The following DLG5 variants were observed in gnomAD, a reference collection of about 807,000 sequenced individuals.
DLG5 encodes the protein disks large homolog 5.
A neutral mutation model predicts 189.8 loss-of-function variants in DLG5; 48 were observed. The ratio of observed to expected loss-of-function variants is 0.25; its 90% CI spans 0.20 to 0.32. The LOEUF is 0.32. DLG5 is among the 10% of genes least tolerant of loss of function. The pLI, the probability that DLG5 is intolerant of heterozygous loss-of-function variation, is 1.00. For synonymous variants in DLG5, 1,016 were observed against 1,054.1 expected, an observed-to-expected ratio of 0.96 and a Z score of 0.70; for missense variants, 2,160 against 2,544.7, an observed-to-expected ratio of 0.85 and a Z score of 3.25.
At chr10:77,920,031 G>A (rs1846489929) in intron 1 of DLG5, among the ~76,000 whole-genome samples, 1 of 152,176 alleles carries the variant, frequency 6.6e-6, no homozygotes, top group African/African-American at 2.4e-5. Context: ...GCTCTATTCT[G>A]GGCATGAGGA....
At chr10:77,889,343 AAT>A (rs1193404068) in intron 1 of DLG5, 1 of 152,672 alleles carries the variant, frequency 6.5e-6, no homozygotes, top group Admixed American at 6.5e-5. Context: ...TATCAGAGAA[AAT>A]GAGGTCTGTT....
At chr10:77,889,491 T>TCCAGAACAGTGGCTGAA (rs1845545174) in intron 1 of DLG5, 1 of 152,206 alleles carries the variant, frequency 6.6e-6, no homozygotes, top group Non-Finnish European at 1.5e-5. Context: ...CCCATGAGTG[T>TCCAGAACAGTGGCTGAA]CCAGAACAGT....
chr10:77,854,637 C>T (rs924376107), intron 3 of DLG5, among the ~76,000 whole-genome samples: 13 of 152,192 alleles, frequency 8.5e-5, no homozygotes, highest in African/African-American at 2.4e-4. Context: ...TCTGCAGGAG[C>T]TTCCAGGAGT....
At chr10:77,932,314 C>A in the DLG5 span, among the ~76,000 whole-genome samples, 1 of 152,154 alleles carries the variant, frequency 6.6e-6, no homozygotes, top group Non-Finnish European at 1.5e-5. Flanking sequence ...GAGGCAGGGG[C>A]CCCCAGTACC....
rs755750059 is a variant in DLG5, at chr10:77,841,910, C to T, written c.1408G>A (p.Ala470Thr). The change falls in exon 7 of 32, where the codon GCC becomes ACC. Residue 470 changes from alanine to threonine, a missense_variant. Physicochemically the swap from Ala to Thr is moderately conservative, Grantham distance 58 (BLOSUM62 0). Coordinates refer to ENST00000372391, the MANE Select transcript of DLG5 (RefSeq NM_004747.4). ...CGCAGCGCCTCCATCTCCTCATTGG[C>T]CGCCTTCTTCTCAGATGTGCTGCTC... ...LKSSTSEKKAANEEMEALRQI... is the reference protein window; with the variant it reads ...LKSSTSEKKATNEEMEALRQI... 17 of 1,610,630 alleles carry T rather than the reference C, an allele frequency of 1.1e-5. No homozygotes were observed. The highest frequency in any genetic ancestry group is 1.2e-5 in the Non-Finnish European group (14 of 1,177,386).
upstream of DLG5, among the ~76,000 whole-genome samples, chr10:77,931,342 C>G (rs1175608750): frequency 1.3e-5 from 2 of 152,002 alleles, no homozygotes; most frequent in Admixed American, 1.3e-4. Flanking sequence ...CAGCCTCTAA[C>G]TCCTCAAGTG....
chr10:77,918,377 A>T (rs979711746), intron 1 of DLG5, among the ~76,000 whole-genome samples: 1 of 151,922 alleles, frequency 6.6e-6, no homozygotes, highest in Non-Finnish European at 1.5e-5. Context: ...GCACCATTGC[A>T]CTCCAGCCTA....
At position 77,796,221 on chromosome 10, in the gene DLG5, C is replaced by T. The variant is rs1448655920; in HGVS notation, c.5309-33G>A. 5.0e-6 allele frequency: 8 copies of T among 1,613,582 alleles called. No individual in the cohort carries two copies. Among genetic ancestry groups the T allele is most frequent in the East Asian group, 2.2e-5 (1 of 44,880 alleles). The stretch of plus-strand genomic sequence containing the variant: ...GCACAGACACAGGAATCAGGGAGCC[C>T]CAGGCCCTGCTGAGCCCCAGCAGAG... On this transcript the variant is annotated intron_variant, in intron 28 of 31. Coordinates refer to ENST00000372391, the MANE Select transcript of DLG5 (RefSeq NM_004747.4). This position sits in a 1 kb window ranked among gnomAD's most constrained non-coding sequence, Gnocchi z 5.2.
intron 5 of DLG5, among the ~76,000 whole-genome samples, chr10:77,847,334 G>C (rs1248677): frequency 2.0e-5 from 3 of 151,924 alleles, no homozygotes; most frequent in African/African-American, 7.2e-5. Flanking sequence ...CGTGCTCACC[G>C]GGAGCTACTC....
intron 5 of DLG5, chr10:77,846,721 T>C (rs1461186522): frequency 2.2e-6 from 1 of 456,168 alleles, no homozygotes; most frequent in Middle Eastern, 3.3e-4. Flanking sequence ...CCTCAAATGT[T>C]TTACTGTCTA....
chr10:77,792,916 A>G, intron 31 of DLG5: 1 of 265,212 alleles, frequency 3.8e-6, no homozygotes, highest in South Asian at 5.1e-5. Flanking sequence ...GGCCAAGAGG[A>G]GAGTCACAGA....
intron 13 of DLG5, among the ~76,000 whole-genome samples, chr10:77,827,532 T>C (rs913682089): frequency 1.3e-5 from 2 of 152,186 alleles, no homozygotes; most frequent in Admixed American, 6.5e-5. Context: ...CGCTGGCATT[T>C]TCAATTTTAA....
chr10:77,846,523 C>T (rs1843701652), intron 5 of DLG5, among the ~76,000 whole-genome samples: 1 of 152,038 alleles, frequency 6.6e-6, no homozygotes. Flanking sequence ...ATGGTGAAAC[C>T]CTGTCTCTAC....
At chr10:77,852,169 G>A (rs1253942763) in intron 5 of DLG5, among the ~76,000 whole-genome samples, 2 of 152,012 alleles carry the variant, frequency 1.3e-5, no homozygotes, top group Non-Finnish European at 2.9e-5. Context: ...TCAGGAGATC[G>A]AGACCATCCT....
rs538445966 is a variant in DLG5 at position 77,794,196 on chromosome 10, G to T, written c.5547-79C>A. 6.3e-5 allele frequency: 86 copies of T among 1,370,306 alleles called. No homozygotes were observed. In the East Asian group the frequency reaches 1.4e-3, roughly 23 times the overall value. The allele number at this position is 1,370,306 out of a possible 1,614,324, so 84.9% of individuals were successfully genotyped here. The stretch of plus-strand genomic sequence containing the variant: ...TTCCTTCCTCTGTCCAGGCTAACAG[G>T]GGCCCCATCAAGGCAGGGGTAGGCT... On this transcript the variant is annotated intron_variant, in intron 30 of 31. Transcript: ENST00000372391.
At chr10:77,894,187 T>C (rs1264056001) in intron 1 of DLG5, among the ~76,000 whole-genome samples, 4 of 152,180 alleles carry the variant, frequency 2.6e-5, no homozygotes, top group South Asian at 2.1e-4. Context: ...GGGTCAGGAT[T>C]GCAGAGGGGC....
intron 27 of DLG5, among the ~76,000 whole-genome samples, chr10:77,801,756 A>G (rs538808370): frequency 6.6e-6 from 1 of 152,222 alleles, no homozygotes; most frequent in African/African-American, 2.4e-5. Context: ...GCCTGGAAAG[A>G]TGACTTCTCA....
chr10:77,930,006 C>G (rs1347111070), upstream of DLG5, among the ~76,000 whole-genome samples: 1 of 152,284 alleles, frequency 6.6e-6, no homozygotes, highest in East Asian at 1.9e-4. Context: ...TAGATTTACC[C>G]ACCTTTCCTA....
At chr10:77,835,675 C>T (rs570759473) in intron 8 of DLG5, 63 bp downstream of exon 8, 516 of 1,518,308 alleles carry the variant, frequency 3.4e-4, no homozygotes, top group Non-Finnish European at 4.4e-4. Flanking sequence ...TCCCAACAGA[C>T]CCTAGCAGGT....
Sources: allele counts gnomAD v4.1 joint callset (sites outside exome capture counted in the v4.1 genomes callset), GRCh38; gene constraint gnomAD v4.1.1; non-coding constraint Gnocchi (gnomAD v3.1); transcripts MANE v1.5; gene names NCBI Gene and HGNC (gene_info 2026-07-23, HGNC 2026-07-21).